The following RCBTB2 variants were observed in gnomAD, a reference collection of about 807,000 sequenced individuals.
RCBTB2 encodes RCC1 and BTB domain containing protein 2.
RCBTB2 carries 55 observed loss-of-function variants against 65.4 expected under a neutral mutation model. The ratio of observed to expected loss-of-function variants is 0.84; its 90% CI spans 0.68 to 1.05. The LOEUF is 1.05. Ranked by LOEUF, RCBTB2 falls within the 50% of genes least tolerant of loss-of-function variation. The probability of loss-of-function intolerance (pLI) is 0.00; values close to 1 mark genes in which losing one functional copy is unlikely to be tolerated. For synonymous variants in RCBTB2, 220 were observed against 255.2 expected (o/e 0.86, Z 1.31); for missense variants, 599 against 680.1 (o/e 0.88, Z 1.33).
intron 1 of RCBTB2, among the ~76,000 whole-genome samples, chr13:48,527,084 A>G (rs911241095): frequency 1.3e-5 from 2 of 151,614 alleles, no homozygotes; most frequent in African/African-American, 4.9e-5. Flanking sequence ...TTATGGTCTA[A>G]ATCTGCTTAC....
intron 7 of RCBTB2, 52 bp from the exon 8 acceptor site, chr13:48,512,226 C>G: frequency 6.7e-7 from 1 of 1,500,386 alleles, no homozygotes; most frequent in South Asian, 1.2e-5. Flanking sequence ...TAAACTGTCT[C>G]AACTGGACAC....
At chr13:48,512,601 A>G in intron 7 of RCBTB2, 128 bp downstream of exon 7, 1 of 797,730 alleles carries the variant, frequency 1.3e-6, no homozygotes. Context: ...GTGAATTGCT[A>G]CCAAAAATAA....
chr13:48,530,263 T>C (rs1367569986), intron 1 of RCBTB2, among the ~76,000 whole-genome samples: 1 of 152,176 alleles, frequency 6.6e-6, no homozygotes, highest in Non-Finnish European at 1.5e-5. Context: ...GCATTTAAAT[T>C]TTACTTTAAC....
At chr13:48,516,533 C>T (rs1951100117) in intron 4 of RCBTB2, among the ~76,000 whole-genome samples, 1 of 152,160 alleles carries the variant, frequency 6.6e-6, no homozygotes, top group South Asian at 2.1e-4. Context: ...ACATCATCTC[C>T]CCCCATGCCC....
At chr13:48,529,846 G>A (rs1952007978) in intron 1 of RCBTB2, among the ~76,000 whole-genome samples, 1 of 151,994 alleles carries the variant, frequency 6.6e-6, no homozygotes, top group African/African-American at 2.4e-5. Context: ...AATAATTCCT[G>A]GTCTCCAATC....
rs560536838 is a variant in RCBTB2 at position 48,502,859 on chromosome 13, C to T, written c.982G>A (p.Gly328Ser). ...TGGCCCCACATGTACACGTGCCCAC[C>T]CTGCGTCTTGGCCGCAGACGTGTGT... ...STHTSAAKTQ[G>S]GHVYMWGQCR... Residue 328 changes from glycine to serine, a missense_variant, in exon 11 of 15, where the codon GGT becomes AGT. By Grantham distance (56) the Gly-to-Ser change is moderately conservative. Transcript: ENST00000344532. The T allele has an allele frequency of 5.6e-6, 9 of 1,614,032 alleles. No individual in the cohort carries two copies. In the Admixed American group the frequency reaches 1.5e-4, roughly 27 times the overall value.
At chr13:48,502,616 A>C in intron 11 of RCBTB2, 108 bp downstream of exon 11, 1 of 1,128,648 alleles carries the variant, frequency 8.9e-7, no homozygotes, top group Non-Finnish European at 1.2e-6. Context: ...CATCAGAGAG[A>C]AATAAATTAT....
intron 2 of RCBTB2, among the ~76,000 whole-genome samples, chr13:48,523,054 T>C (rs1951513690): frequency 6.6e-6 from 1 of 152,226 alleles, no homozygotes; most frequent in Admixed American, 6.5e-5. Context: ...CTTTCTAACA[T>C]TTGGAAACAA....
intron 1 of RCBTB2, among the ~76,000 whole-genome samples, chr13:48,529,948 T>C (rs1315239959): frequency 3.3e-5 from 5 of 152,158 alleles, no homozygotes; most frequent in Non-Finnish European, 7.4e-5. Flanking sequence ...TGGAGTGCAA[T>C]GGTGTGATCA....
At chr13:48,529,473 C>G (rs1405055243) in intron 1 of RCBTB2, among the ~76,000 whole-genome samples, 1 of 152,216 alleles carries the variant, frequency 6.6e-6, no homozygotes, top group African/African-American at 2.4e-5. Context: ...CTATCTCCTA[C>G]TGGTACTTGT....
intron 4 of RCBTB2, among the ~76,000 whole-genome samples, chr13:48,518,911 C>T (rs1173153950): frequency 1.3e-5 from 2 of 152,044 alleles, no homozygotes; most frequent in African/African-American, 2.4e-5. Flanking sequence ...TATTTTAAGT[C>T]TGTAAATTTC....
chr13:48,530,067 T>C (rs1042408703), intron 1 of RCBTB2, among the ~76,000 whole-genome samples: 1 of 152,186 alleles, frequency 6.6e-6, no homozygotes, highest in East Asian at 1.9e-4. Flanking sequence ...ATTTTTTTTT[T>C]GTTCGTTTTT....
At chr13:48,526,078 C>T (rs1951713749) in intron 1 of RCBTB2, among the ~76,000 whole-genome samples, 1 of 152,128 alleles carries the variant, frequency 6.6e-6, no homozygotes, top group African/African-American at 2.4e-5. Context: ...TTAAATTAAT[C>T]ATCTCAGGAT....
intron 1 of RCBTB2, chr13:48,532,721 G>C (rs996380891): frequency 6.1e-5 from 18 of 295,398 alleles, no homozygotes; most frequent in South Asian, 2.5e-4. Flanking sequence ...ATGTAGTCGC[G>C]AGCAGCGCAC....
chr13:48,530,696 TAC>T (rs1426042824), intron 1 of RCBTB2, among the ~76,000 whole-genome samples: 2 of 152,260 alleles, frequency 1.3e-5, no homozygotes, highest in African/African-American at 2.4e-5. Flanking sequence ...GGAGACAACG[TAC>T]AGTTTTTCTC....
At chr13:48,492,127 C>T (rs541693867) in intron 14 of RCBTB2, among the ~76,000 whole-genome samples, 7 of 152,294 alleles carry the variant, frequency 4.6e-5, no homozygotes, top group African/African-American at 1.7e-4. Flanking sequence ...TCATCCTCAT[C>T]CTCAGCTGAC....
chr13:48,500,000 G>A (rs1301614919), intron 12 of RCBTB2, among the ~76,000 whole-genome samples: 1 of 152,320 alleles, frequency 6.6e-6, no homozygotes, highest in Middle Eastern at 3.4e-3. Flanking sequence ...GACAGAGCTG[G>A]GCTCCCTGGC....
chr13:48,503,971 C>G (rs556435147), intron 10 of RCBTB2, among the ~76,000 whole-genome samples: 1 of 152,288 alleles, frequency 6.6e-6, no homozygotes, highest in African/African-American at 2.4e-5. Context: ...GGGGAAGTCC[C>G]CATCTTGATT....
chr13:48,510,779 GA>G lies in RCBTB2; in HGVS notation c.784-9del. 2 of 1,603,708 alleles carry G rather than the reference GA, an allele frequency of 1.2e-6. No homozygotes were observed. Among genetic ancestry groups the G allele is most frequent in the Admixed American group, 1.7e-5 (1 of 58,892 alleles). On this transcript the variant is annotated splice_polypyrimidine_tract_variant and intron_variant, in intron 9 of 14. Transcript: ENST00000344532. ...TGCGTAGCCACAGGCGACCTGGAAG[GA>G]AAAAAATCCACTCAGGACTGCAAAT...
Sources: gnomAD v4.1 joint callset for allele counts (sites outside exome capture counted in the v4.1 genomes callset) on GRCh38, gnomAD v4.1.1 for gene constraint, MANE v1.5 for transcripts, NCBI Gene and HGNC (gene_info 2026-07-23, HGNC 2026-07-21) for gene names.